Variants in HTN1 observed in about 807,000 individuals in gnomAD.
The protein encoded by HTN1 is histatin-1.
Under a neutral mutation model 11.2 loss-of-function variants are expected in HTN1, and 18 were observed. The observed-to-expected ratio is 1.61, with a 90% CI of 1.12 to 2.39. The LOEUF (loss-of-function observed/expected upper bound fraction) is 2.39. Among genes scored for constraint, HTN1 ranks in the 30% most tolerant of loss-of-function variants. HTN1 has a pLI of 0.00. For synonymous variants in HTN1, 21 were observed against 20.5 expected (o/e 1.02, Z -0.07); for missense variants, 80 against 67.2 (o/e 1.19, Z -0.67).
rs138084235 is a variant in HTN1, at chr4:70,052,078, C to G, written c.-13-986C>G. 9.3e-4 allele frequency among the ~76,000 whole-genome samples: 141 copies of G among 152,196 alleles called. 1 individual carries two copies. The highest frequency in any genetic ancestry group is 3.2e-3 in the African/African-American group (133 of 41,528). ...CATATACATAATTATAAAAGCATAT[C>G]AGAGTCCCAGATGAGGCTAACTTTG... On this transcript the variant is annotated intron_variant, in intron 1 of 5. Coordinates refer to ENST00000246896, the MANE Select transcript of HTN1 (RefSeq NM_002159.4).
chr4:70,053,407 G>A (rs1156525625), intron 2 of HTN1, among the ~76,000 whole-genome samples: 1 of 152,116 alleles, frequency 6.6e-6, no homozygotes, highest in African/African-American at 2.4e-5. Context: ...ACTAAGATCT[G>A]TGAAAGTATC....
chr4:70,053,549 C>G (rs950117279), intron 2 of HTN1, among the ~76,000 whole-genome samples: 6 of 152,120 alleles, frequency 3.9e-5, no homozygotes, highest in Non-Finnish European at 5.9e-5. Context: ...ACAACCTACT[C>G]TTAAAGTCAG....
chr4:70,052,020 T>C (rs1353474294), intron 1 of HTN1, among the ~76,000 whole-genome samples: 1 of 152,170 alleles, frequency 6.6e-6, no homozygotes, highest in Non-Finnish European at 1.5e-5. Context: ...CTGCTATACT[T>C]TTTTATATCT....
intron 5 of HTN1, chr4:70,056,367 C>T (rs1347415472): frequency 6.6e-6 from 1 of 152,050 alleles, no homozygotes; most frequent in Non-Finnish European, 1.5e-5. Context: ...CCCTTCCTTA[C>T]ACCTTATACA....
At chr4:70,053,609 T>C (rs2109727689) in intron 2 of HTN1, among the ~76,000 whole-genome samples, 1 of 152,262 alleles carries the variant, frequency 6.6e-6, no homozygotes. Flanking sequence ...TTTTAAACCA[T>C]AAAACAAATC....
intron 2 of HTN1, among the ~76,000 whole-genome samples, chr4:70,053,691 C>T (rs1388090667): frequency 6.6e-6 from 1 of 152,070 alleles, no homozygotes; most frequent in Non-Finnish European, 1.5e-5. Flanking sequence ...AGGAAAAGCA[C>T]TTGACCTCTT....
rs570775122 is a variant in HTN1, at chr4:70,050,775, C to G, written c.-14+280C>G. 6.6e-4 allele frequency among the ~76,000 whole-genome samples: 101 copies of G among 152,086 alleles called. No homozygotes were observed. The South Asian group carries it at 7.1e-3, about 11-fold the overall frequency. On this transcript the variant is annotated intron_variant, in intron 1 of 5. Transcript: ENST00000246896. ...ATTTTATTTTATTTTATTTTACTTT[C>G]TTATTTTACTTTAAGTTCTGGGATA...
At chr4:70,055,670 A>T (rs535248155) in intron 5 of HTN1, 68 bp downstream of exon 5, 1 of 721,262 alleles carries the variant, frequency 1.4e-6, no homozygotes, top group South Asian at 1.7e-5. Flanking sequence ...AAAAGCCATA[A>T]GCTAACAACC....
chr4:70,053,701 T>C (rs58244496), intron 2 of HTN1, among the ~76,000 whole-genome samples: 5,819 of 152,178 alleles, frequency 0.038, 364 homozygotes, highest in African/African-American at 0.13. Flanking sequence ...CTTGACCTCT[T>C]TGGAGCTCTT....
In HTN1 at chr4:70,054,382, C is replaced by T. The variant is rs777430179; in HGVS notation, c.73-39C>T. On this transcript the variant is annotated intron_variant, in intron 3 of 5. Transcript: ENST00000246896. ...TTTACGGGAAAACTTGATAAATAAACATATATTGAATTTTTAATCTTTTCT... is the reference window on the plus strand; with the variant it reads ...TTTACGGGAAAACTTGATAAATAAATATATATTGAATTTTTAATCTTTTCT... 54 of 1,528,640 alleles carry T rather than the reference C, an allele frequency of 3.5e-5. No homozygotes were observed. In the Admixed American group the frequency reaches 9.0e-4, roughly 26 times the overall value. 94.7% of individuals were successfully genotyped at this position (1,528,640 alleles called of 1,614,324 possible).
Position 70,054,426 on chromosome 4 carries a change from T to A in HTN1, c.78T>A (p.His26Gln), listed in dbSNP as rs1170445165. 6.6e-7 allele frequency: 1 copy of A among 1,525,718 alleles called. No homozygotes were observed. The highest frequency in any genetic ancestry group is 1.2e-5 in the South Asian group (1 of 84,944). The allele number at this position is 1,525,718 out of a possible 1,614,324, so 94.5% of individuals were successfully genotyped here. The stretch of plus-strand genomic sequence containing the variant: ...CTTTTCTTTTTATTTCATAGAGACA[T>A]CATGGGTATAGAAGAAAATTCCATG... The part of the protein sequence containing the change: ...MISADSHEKR[H>Q]HGYRRKFHEK... The change falls in exon 4 of 6, where the codon CAT (histidine) becomes CAA (glutamine). Residue 26 changes from histidine to glutamine, a missense_variant. Transcript: ENST00000246896.
intron 2 of HTN1, among the ~76,000 whole-genome samples, chr4:70,053,688 G>T (rs757521056): frequency 6.6e-6 from 1 of 152,048 alleles, no homozygotes; most frequent in South Asian, 2.1e-4. Flanking sequence ...AGTAGGAAAA[G>T]CACTTGACCT....
intron 4 of HTN1, among the ~76,000 whole-genome samples, chr4:70,054,687 G>A (rs953582980): frequency 6.6e-6 from 1 of 152,050 alleles, no homozygotes; most frequent in African/African-American, 2.4e-5. Flanking sequence ...ATTATTCTCT[G>A]AGAACTTATC....
rs1292810185 is a variant in HTN1, at chr4:70,053,083, T to A, written c.7T>A (p.Phe3Ile). The change falls in exon 2 of 6, where the codon TTT (phenylalanine) becomes ATT (isoleucine). Residue 3 changes from phenylalanine to isoleucine, a missense_variant. Coordinates refer to ENST00000246896, the MANE Select transcript of HTN1 (RefSeq NM_002159.4). ...TTATAGGACTCAGCCAACTATGAAG[T>A]TTTTTGTCTTTGCTTTAGTCTTGGC... is the stretch of plus-strand genomic sequence containing the variant. MK[F>I]FVFALVLALM... 1 of 1,608,776 alleles carries A rather than the reference T, an allele frequency of 6.2e-7. No individual in the cohort carries two copies.
rs921823695 is a variant in HTN1 at position 70,053,253 on chromosome 4, C to T, written c.51+126C>T. On this transcript the variant is annotated intron_variant, in intron 2 of 5. Coordinates refer to ENST00000246896, the MANE Select transcript of HTN1 (RefSeq NM_002159.4). ...ACAGCTTTATAAGCTTTAATATTTC[C>T]CTACAAGGAGTTTCTTTGAATTAAC... is the stretch of plus-strand genomic sequence containing the variant. 4 of 576,432 alleles carry T rather than the reference C, an allele frequency of 6.9e-6. No individual in the cohort carries two copies. In the African/African-American group the frequency reaches 7.5e-5, roughly 11 times the overall value. The allele number at this position is 576,432 out of a possible 1,614,324, so 35.7% of individuals were successfully genotyped here.
intron 4 of HTN1, among the ~76,000 whole-genome samples, chr4:70,054,771 A>G (rs558734717): frequency 6.6e-6 from 1 of 152,224 alleles, no homozygotes; most frequent in Non-Finnish European, 1.5e-5. Flanking sequence ...ACATATGCTT[A>G]ATAAAGCATA....
rs768072154 is a variant in HTN1, at chr4:70,051,177, TC to T, written c.-14+683del. Among the ~76,000 whole-genome samples the T allele has an allele frequency of 4.7e-4, 71 of 152,296 alleles. 1 individual carries two copies. The highest frequency in any genetic ancestry group is 3.7e-3 in the South Asian group (18 of 4,830). ...TTTACAAGAAGATACTGATAAATTC[TC>T]TCTTGGTAAATATATTATTATAAAG... On this transcript the variant is annotated intron_variant, in intron 1 of 5. Coordinates refer to ENST00000246896, the MANE Select transcript of HTN1 (RefSeq NM_002159.4).
chr4:70,051,128 T>A (rs939316796), intron 1 of HTN1, among the ~76,000 whole-genome samples: 1 of 152,168 alleles, frequency 6.6e-6, no homozygotes, highest in African/African-American at 2.4e-5. Context: ...AATTCTACAT[T>A]TAACTTAAAC....
intron 1 of HTN1, among the ~76,000 whole-genome samples, chr4:70,050,915 G>A (rs1055214040): frequency 4.6e-5 from 7 of 152,092 alleles, no homozygotes; most frequent in African/African-American, 1.4e-4. Context: ...TATTTGCCCT[G>A]ATGCTGTAAT....
Sources: allele counts gnomAD v4.1 joint callset (sites outside exome capture counted in the v4.1 genomes callset), GRCh38; gene constraint gnomAD v4.1.1; transcripts MANE v1.5; gene names NCBI Gene and HGNC (gene_info 2026-07-23, HGNC 2026-07-21).